LHFPL3: variants seen among roughly 807,000 people sequenced by gnomAD.
LHFPL3 encodes LHFPL tetraspan subfamily member 3 protein.
Under a neutral mutation model 19.3 loss-of-function variants are expected in LHFPL3, and 5 were observed. That is an observed-to-expected ratio of 0.26 (90% confidence interval 0.14 to 0.54). LHFPL3 has a LOEUF of 0.54. LHFPL3 is among the 20% of genes least tolerant of loss of function. The probability of loss-of-function intolerance (pLI) is 0.94; values close to 1 mark genes in which losing one functional copy is unlikely to be tolerated. For synonymous variants in LHFPL3, 133 were observed against 126.2 expected (o/e 1.05, Z -0.36); for missense variants, 249 against 307.4 (o/e 0.81, Z 1.42).
intron 2 of LHFPL3, among the ~76,000 whole-genome samples, chr7:104,777,492 A>T (rs960487672): frequency 1.3e-5 from 2 of 152,194 alleles, no homozygotes; most frequent in Non-Finnish European, 2.9e-5. Flanking sequence ...CCAGAGTCTG[A>T]TTGGACTAAG....
intron 1 of LHFPL3, among the ~76,000 whole-genome samples, chr7:104,428,716 T>C (rs1277547030): frequency 6.6e-6 from 1 of 152,232 alleles, no homozygotes; most frequent in African/African-American, 2.4e-5. Context: ...ACTATTTTAC[T>C]TTTTAGTTAT....
At chr7:104,549,014 A>G (rs73179980) in intron 1 of LHFPL3, among the ~76,000 whole-genome samples, 3,426 of 152,306 alleles carry the variant, frequency 0.022, 61 homozygotes, top group Non-Finnish European at 0.036. Context: ...CATTACTTCA[A>G]CTCTGAAGAA....
intron 1 of LHFPL3, among the ~76,000 whole-genome samples, chr7:104,638,606 T>C (rs1352888252): frequency 6.6e-6 from 1 of 152,228 alleles, no homozygotes; most frequent in Non-Finnish European, 1.5e-5. Context: ...TGAAGGAATG[T>C]TGAATTTTAT....
At chr7:104,753,915 C>A (rs1014489589) in intron 2 of LHFPL3, among the ~76,000 whole-genome samples, 2 of 152,168 alleles carry the variant, frequency 1.3e-5, no homozygotes, top group Non-Finnish European at 2.9e-5. Flanking sequence ...CACGTGCTGC[C>A]AGTGGGAGTG....
chr7:104,592,576 A>G (rs532311403), intron 1 of LHFPL3, among the ~76,000 whole-genome samples: 15 of 152,066 alleles, frequency 9.9e-5, no homozygotes, highest in South Asian at 4.1e-4. Context: ...GAGGCAGTCT[A>G]TCTGTTCTCA....
chr7:104,612,256 C>G (rs892643721), intron 1 of LHFPL3, among the ~76,000 whole-genome samples: 5 of 152,182 alleles, frequency 3.3e-5, no homozygotes, highest in African/African-American at 9.7e-5. Flanking sequence ...TTTAATCCCT[C>G]TGAGTCTCTG....
intron 1 of LHFPL3, among the ~76,000 whole-genome samples, chr7:104,462,919 C>A (rs182509664): frequency 2.0e-5 from 3 of 152,142 alleles, no homozygotes; most frequent in Admixed American, 1.3e-4. Flanking sequence ...AATTTCAGAG[C>A]TCATTATTGG....
At chr7:104,543,935 A>G (rs996094611) in intron 1 of LHFPL3, among the ~76,000 whole-genome samples, 1 of 142,138 alleles carries the variant, frequency 7.0e-6, no homozygotes, top group African/African-American at 2.8e-5. Flanking sequence ...ATAATAATAA[A>G]ACCTAGATGA....
At chr7:104,528,839 G>C (rs1794239385) in intron 1 of LHFPL3, among the ~76,000 whole-genome samples, 1 of 152,138 alleles carries the variant, frequency 6.6e-6, no homozygotes, top group Admixed American at 6.5e-5. Context: ...CGACATTGAA[G>C]ATGTATGGCT....
At chr7:104,482,971 A>G (rs1320696985) in intron 1 of LHFPL3, among the ~76,000 whole-genome samples, 3 of 152,244 alleles carry the variant, frequency 2.0e-5, no homozygotes, top group African/African-American at 7.2e-5. Context: ...ATTTCAGGAA[A>G]TACGTTGGAC....
At chr7:104,453,683 C>T (rs984148160) in intron 1 of LHFPL3, among the ~76,000 whole-genome samples, 2 of 151,614 alleles carry the variant, frequency 1.3e-5, no homozygotes, top group Admixed American at 6.6e-5. Context: ...AGGTGGGGCC[C>T]GGTGGGAGGT....
chr7:104,512,137 TA>T (rs1370520920), intron 1 of LHFPL3, among the ~76,000 whole-genome samples: 1 of 151,834 alleles, frequency 6.6e-6, no homozygotes, highest in Non-Finnish European at 1.5e-5. Flanking sequence ...GTATTTTTAC[TA>T]GAGACAGGGT....
intron 1 of LHFPL3, among the ~76,000 whole-genome samples, chr7:104,708,662 C>T (rs957901506): frequency 6.6e-6 from 1 of 152,140 alleles, no homozygotes; most frequent in African/African-American, 2.4e-5. Flanking sequence ...CACACACACA[C>T]TCATACACAT....
intron 1 of LHFPL3, among the ~76,000 whole-genome samples, chr7:104,417,425 G>T (rs776324508): frequency 1.3e-5 from 2 of 151,970 alleles, no homozygotes; most frequent in African/African-American, 2.4e-5. Flanking sequence ...GATAAAATAG[G>T]CATAAAATGG....
chr7:104,491,114 A>G (rs753119813), intron 1 of LHFPL3, among the ~76,000 whole-genome samples: 29 of 151,764 alleles, frequency 1.9e-4, no homozygotes, highest in Admixed American at 5.9e-4. Context: ...CAGTCCAACT[A>G]TGACTCTGGA....
intron 1 of LHFPL3, among the ~76,000 whole-genome samples, chr7:104,534,835 C>T (rs987946839): frequency 1.3e-5 from 2 of 152,120 alleles, no homozygotes; most frequent in African/African-American, 4.8e-5. Flanking sequence ...GATAGCTTTT[C>T]CTGAATTATT....
intron 1 of LHFPL3, among the ~76,000 whole-genome samples, chr7:104,409,557 G>A (rs889272357): frequency 4.2e-4 from 64 of 152,062 alleles, no homozygotes; most frequent in Non-Finnish European, 5.1e-4. Flanking sequence ...TCAAGGCTGC[G>A]GTGAGCTGTG....
intron 1 of LHFPL3, among the ~76,000 whole-genome samples, chr7:104,524,001 G>T (rs1166009170): frequency 2.0e-5 from 3 of 152,138 alleles, no homozygotes; most frequent in South Asian, 2.1e-4. Context: ...CAGGTGTTTA[G>T]GAACGATTTA....
chr7:104,662,721 C>T (rs1246259487), intron 1 of LHFPL3, among the ~76,000 whole-genome samples: 3 of 152,156 alleles, frequency 2.0e-5, no homozygotes, highest in Non-Finnish European at 4.4e-5. Context: ...GTTGATGAAA[C>T]TTATCTTGGC....
Sources: allele counts gnomAD v4.1 joint callset (sites outside exome capture counted in the v4.1 genomes callset), GRCh38; gene constraint gnomAD v4.1.1; transcripts MANE v1.5; gene names NCBI Gene and HGNC (gene_info 2026-07-23, HGNC 2026-07-21).